Variants in SMARCA4 observed in about 807,000 individuals in gnomAD.
The protein encoded by SMARCA4 is SWI/SNF related BAF chromatin remodeling complex subunit ATPase 4, also known as SWI/SNF-related matrix-associated actin-dependent regulator of chromatin subfamily A member 4.
In SMARCA4, 31 loss-of-function variants were observed where a neutral mutation model predicts 193.9. That is an observed-to-expected ratio of 0.16 (90% CI 0.12 to 0.22). The LOEUF (loss-of-function observed/expected upper bound fraction) is 0.22, where lower values mean the gene tolerates loss of function less well. Among genes scored for constraint, SMARCA4 ranks in the 10% least tolerant of loss-of-function variants. SMARCA4 has a pLI of 1.00. For synonymous variants in SMARCA4, 942 were observed against 933.1 expected (o/e 1.01, Z -0.17); for missense variants, 1,148 against 2,296.0 (o/e 0.50, Z 10.22).
At chr19:10,975,551 C>T (rs914478942) in intron 1 of SMARCA4, among the ~76,000 whole-genome samples, 3 of 151,638 alleles carry the variant, frequency 2.0e-5, no homozygotes, top group Non-Finnish European at 2.9e-5. Context: ...CCTTGTGATC[C>T]GCCCACCTTG....
intron 9 of SMARCA4, 174 bp downstream of exon 9, chr19:10,995,175 C>G (rs528792204): frequency 1.4e-6 from 1 of 698,896 alleles, no homozygotes; most frequent in East Asian, 2.7e-5. Flanking sequence ...CGGATATTTG[C>G]TGATCTCTCT....
rs1392724617 is a variant in SMARCA4, at chr19:10,989,530, A to G, written c.1245+87A>G. ...GGCTCCAAATACGGCTTGCCTGGCT[A>G]GTATTACACCTGCCTGGGCTGTGAA... On this transcript the variant is annotated intron_variant, in intron 7 of 34. Coordinates refer to ENST00000344626, the MANE Select transcript of SMARCA4 (RefSeq NM_003072.5). 13 of 1,477,778 alleles carry G rather than the reference A, an allele frequency of 8.8e-6. No individual in the cohort carries two copies. In the South Asian group the frequency reaches 1.0e-4, roughly 12 times the overall value. 91.5% of individuals were successfully genotyped at this position (1,477,778 alleles called of 1,614,324 possible). A position where few individuals can be genotyped will look rare whatever the true frequency, so the allele number is the denominator to read the frequency against.
chr19:10,981,506 A>G (rs1313928809), intron 1 of SMARCA4, among the ~76,000 whole-genome samples: 2 of 152,240 alleles, frequency 1.3e-5, no homozygotes, highest in Non-Finnish European at 2.9e-5. Context: ...TTGCCTCCAG[A>G]TGAATTTCCT....
intron 32 of SMARCA4, among the ~76,000 whole-genome samples, 165 bp from the exon 33 acceptor site, chr19:11,059,588 C>A (rs2076738506): frequency 6.6e-6 from 1 of 152,224 alleles, no homozygotes; most frequent in South Asian, 2.1e-4. Flanking sequence ...ATGGAGAGGG[C>A]CTTCCACCCT....
intron 30 of SMARCA4, among the ~76,000 whole-genome samples, chr19:11,054,935 G>C (rs914872039): frequency 2.3e-4 from 35 of 152,170 alleles, no homozygotes; most frequent in African/African-American, 8.4e-4. Context: ...GACATCAAAG[G>C]TGGTGGCGCC....
rs372264671 is a variant in SMARCA4 at position 10,998,026 on chromosome 19, C to T, written c.1812+1482C>T. 7.9e-5 allele frequency among the ~76,000 whole-genome samples: 12 copies of T among 152,210 alleles called. No homozygotes were observed. In the East Asian group the frequency reaches 1.4e-3, roughly 17 times the overall value. On this transcript the variant is annotated intron_variant, in intron 11 of 34. Coordinates refer to ENST00000344626, the MANE Select transcript of SMARCA4 (RefSeq NM_003072.5). ...CACATTTAGTGGAGGTCCCTTTAGTCAGCTTTAGTCTTAAAGAGCTCCTTG... is the reference window on the plus strand; with the variant it reads ...CACATTTAGTGGAGGTCCCTTTAGTTAGCTTTAGTCTTAAAGAGCTCCTTG...
rs777983792 is a variant in SMARCA4, at chr19:10,991,139, C to T, written c.1246-11C>T. On this transcript the variant is annotated splice_polypyrimidine_tract_variant and intron_variant, in intron 7 of 34. Transcript: ENST00000344626. Reference sequence around the variant, plus strand: ...GTGCAGTGCGCGGGCTTGTCCTCTTCCCTCCTACAGCTGCGCCAGGAGGTG... The same window carrying T: ...GTGCAGTGCGCGGGCTTGTCCTCTTTCCTCCTACAGCTGCGCCAGGAGGTG... 5.6e-6 allele frequency: 9 copies of T among 1,613,134 alleles called. No homozygotes were observed. The highest frequency in any genetic ancestry group is 1.7e-5 in the Admixed American group (1 of 59,954).
chr19:10,980,391 TA>T (rs1324551355), intron 1 of SMARCA4, among the ~76,000 whole-genome samples: 5 of 152,164 alleles, frequency 3.3e-5, no homozygotes, highest in Non-Finnish European at 5.9e-5. Context: ...TTGACAAAGT[TA>T]GCGCTGCTTT....
intron 30 of SMARCA4, among the ~76,000 whole-genome samples, chr19:11,054,292 CG>C (rs1199342005): frequency 1.3e-5 from 2 of 152,042 alleles, no homozygotes; most frequent in African/African-American, 4.8e-5. Flanking sequence ...TGCCCGGCAG[CG>C]GGAACTGGGC....
chr19:10,990,712 C>T (rs185605479), intron 7 of SMARCA4, among the ~76,000 whole-genome samples: 36 of 152,224 alleles, frequency 2.4e-4, no homozygotes, highest in African/African-American at 8.7e-4. Flanking sequence ...TGCTCCTGGC[C>T]GCCTAGTTAA....
At chr19:10,962,479 G>A (rs540904765) in intron 1 of SMARCA4, among the ~76,000 whole-genome samples, 1 of 152,224 alleles carries the variant, frequency 6.6e-6, no homozygotes, top group African/African-American at 2.4e-5. Flanking sequence ...GCAGGGGATC[G>A]GTGGTAGCCA....
In SMARCA4 at chr19:11,031,200, C is replaced by G; in HGVS notation, c.3546+307C>G. ...GGAGGTGGAAAGTATCCTGATCAAT[C>G]TGCGCCGTCACTGTGGGGCGGCCCC... is the stretch of plus-strand genomic sequence containing the variant. On this transcript the variant is annotated intron_variant, in intron 25 of 34. Coordinates refer to ENST00000344626, the MANE Select transcript of SMARCA4 (RefSeq NM_003072.5). The surrounding 1 kb of genome is among the most constrained non-coding windows in gnomAD (Gnocchi z 4.3). 2.4e-6 allele frequency: 1 copy of G among 414,792 alleles called. No homozygotes were observed. The highest frequency in any genetic ancestry group is 3.5e-5 in the Admixed American group (1 of 28,282). 25.7% of individuals were successfully genotyped at this position (414,792 alleles called of 1,614,324 possible).
At chr19:10,979,781 A>G (rs757816338) in intron 1 of SMARCA4, among the ~76,000 whole-genome samples, 13 of 152,100 alleles carry the variant, frequency 8.5e-5, no homozygotes, top group Non-Finnish European at 1.5e-4. Flanking sequence ...GAAGTTCAAT[A>G]ACAGGTGAAA....
At position 10,989,402 on chromosome 19, in the gene SMARCA4, A is replaced by T. The variant is rs750861625; in HGVS notation, c.1204A>T (p.Ile402Phe). The T allele has an allele frequency of 6.2e-7, 1 of 1,614,190 alleles. No homozygotes were observed. The highest frequency in any genetic ancestry group is 8.5e-7 in the Non-Finnish European group (1 of 1,180,000). Residue 402 changes from isoleucine to phenylalanine, a missense_variant, in exon 7 of 35, where the codon ATT becomes TTT. Physicochemically the swap from Ile to Phe is conservative, Grantham distance 21 (BLOSUM62 0). Around this residue, in one of 17 missense-constraint regions of SMARCA4, gnomAD observed 69 missense variants for 186.9 expected, o/e 0.37. Transcript: ENST00000344626. Reference protein sequence around the residue: ...LAGDLRTKATIELKALRLLNF... With the variant: ...LAGDLRTKATFELKALRLLNF... ...CGGGGATTTGCGAACCAAAGCGACCATTGAGCTCAAGGCCCTCAGGCTGCT... is the reference window on the plus strand; with the variant it reads ...CGGGGATTTGCGAACCAAAGCGACCTTTGAGCTCAAGGCCCTCAGGCTGCT...
At chr19:11,013,439 C>A (rs1168975173) in intron 16 of SMARCA4, among the ~76,000 whole-genome samples, 1 of 152,178 alleles carries the variant, frequency 6.6e-6, no homozygotes, top group Non-Finnish European at 1.5e-5. Context: ...GCTTTAACTT[C>A]ATTGCCTCTG....
chr19:10,968,959 TCTTTA>T (rs1232793417), intron 1 of SMARCA4, among the ~76,000 whole-genome samples: 4 of 152,330 alleles, frequency 2.6e-5, no homozygotes, highest in African/African-American at 9.6e-5. Context: ...TGGGAGTGGC[TCTTTA>T]CTTGCCCTTC....
At chr19:11,057,743 C>CA (rs1256345148) in intron 30 of SMARCA4, among the ~76,000 whole-genome samples, 1 of 151,486 alleles carries the variant, frequency 6.6e-6, no homozygotes, top group African/African-American at 2.4e-5. Context: ...AAACAAAAAA[C>CA]AAAAAAATGT....
At chr19:11,016,138 G>C (rs1395571147) in intron 16 of SMARCA4, 2 of 152,304 alleles carry the variant, frequency 1.3e-5, no homozygotes, top group Non-Finnish European at 2.9e-5. Flanking sequence ...GAGATCCCAT[G>C]GGGAGGGAGG....
chr19:10,986,772 C>A lies in SMARCA4; in HGVS notation c.761-133C>A, dbSNP rs2086083242. 2 of 1,208,288 alleles carry A rather than the reference C, an allele frequency of 1.7e-6. No individual in the cohort carries two copies. The highest frequency in any genetic ancestry group is 1.5e-5 in the African/African-American group (1 of 66,788). 74.8% of individuals were successfully genotyped at this position (1,208,288 alleles called of 1,614,324 possible). On this transcript the variant is annotated intron_variant, in intron 4 of 34. Transcript: ENST00000344626. This position sits in a 1 kb window ranked among gnomAD's most constrained non-coding sequence, Gnocchi z 6.7. ...GCAGCTAAATGCTGCTTCCCCAGCTCCCCGCTTCCCCTGGGGCCGCTGGTT... is the reference window on the plus strand; with the variant it reads ...GCAGCTAAATGCTGCTTCCCCAGCTACCCGCTTCCCCTGGGGCCGCTGGTT...
Sources: allele counts gnomAD v4.1 joint callset (sites outside exome capture counted in the v4.1 genomes callset), GRCh38; gene constraint gnomAD v4.1.1; regional missense constraint gnomAD v4.1.1; non-coding constraint Gnocchi (gnomAD v3.1); transcripts MANE v1.5; gene names NCBI Gene and HGNC (gene_info 2026-07-23, HGNC 2026-07-21).